The following USP34 variants were observed in gnomAD, a reference collection of about 807,000 sequenced individuals.
USP34 encodes the protein ubiquitin specific peptidase 34.
In USP34, 70 loss-of-function variants were observed where a neutral mutation model predicts 460.3. That is an observed-to-expected ratio of 0.15 (90% confidence interval 0.13 to 0.19). USP34 has a LOEUF of 0.19. Ranked by LOEUF, USP34 falls within the 10% of genes least tolerant of loss-of-function variation. The probability of loss-of-function intolerance (pLI) is 1.00; values close to 1 mark genes in which losing one functional copy is unlikely to be tolerated. For missense variants in USP34, 3,985 were observed against 4,236.2 expected, an observed-to-expected ratio of 0.94 and a Z score of 1.65; for synonymous variants, 1,647 against 1,405.3, an observed-to-expected ratio of 1.17 and a Z score of -3.85.
chr2:61,212,810 T>C (rs1687305748), intron 68 of USP34, among the ~76,000 whole-genome samples: 1 of 152,168 alleles, frequency 6.6e-6, no homozygotes, highest in Admixed American at 6.5e-5. Flanking sequence ...TTCTAACTCA[T>C]CTAGTACTTG....
intron 75 of USP34, 133 bp from the exon 76 acceptor site, chr2:61,193,113 G>C (rs1201669070): frequency 5.8e-6 from 4 of 687,552 alleles, no homozygotes; most frequent in Non-Finnish European, 7.2e-6. Context: ...AGTACATAAA[G>C]GGGAAAAATT....
chr2:61,263,132 C>T (rs1688944212), intron 43 of USP34, among the ~76,000 whole-genome samples: 1 of 151,174 alleles, frequency 6.6e-6, no homozygotes, highest in Admixed American at 6.6e-5. Flanking sequence ...GCCCAGCGTC[C>T]CGAGTAGCTG....
At chr2:61,251,054 C>T (rs960820803) in intron 48 of USP34, among the ~76,000 whole-genome samples, 14 of 152,100 alleles carry the variant, frequency 9.2e-5, no homozygotes, top group South Asian at 6.2e-4. Context: ...AGGAGAATGG[C>T]GTGGACCCGG....
intron 3 of USP34, 68 bp from the exon 4 acceptor site, chr2:61,395,301 T>A: frequency 1.0e-6 from 1 of 967,416 alleles, no homozygotes; most frequent in Non-Finnish European, 1.6e-6. Flanking sequence ...TACAATTCTA[T>A]AAAAGACTGA....
At chr2:61,441,818 A>AG (rs1694973987) in intron 1 of USP34, among the ~76,000 whole-genome samples, 10 of 151,286 alleles carry the variant, frequency 6.6e-5, no homozygotes, top group Non-Finnish European at 1.0e-4. Flanking sequence ...AAAAAAAAGA[A>AG]AAAAGAAAAG....
chr2:61,335,983 G>C (rs1445691532), intron 18 of USP34, among the ~76,000 whole-genome samples: 1 of 152,032 alleles, frequency 6.6e-6, no homozygotes, highest in Non-Finnish European at 1.5e-5. Flanking sequence ...AGTTACATAT[G>C]GATGATTTTG....
chr2:61,206,339 C>T (rs1406161746), intron 71 of USP34, among the ~76,000 whole-genome samples: 3 of 152,200 alleles, frequency 2.0e-5, no homozygotes, highest in Admixed American at 6.5e-5. Flanking sequence ...ATATGTCCCA[C>T]TTTCTAGGAA....
chr2:61,342,453 A>AC (rs1302047645), intron 16 of USP34, among the ~76,000 whole-genome samples: 1 of 151,032 alleles, frequency 6.6e-6, no homozygotes, highest in Non-Finnish European at 1.5e-5. Flanking sequence ...GGTGAGCACC[A>AC]CCATACGCAG....
chr2:61,326,571 A>C (rs898754284), intron 20 of USP34, among the ~76,000 whole-genome samples: 11 of 151,988 alleles, frequency 7.2e-5, no homozygotes, highest in African/African-American at 2.7e-4. Context: ...ACCCCAGTGA[A>C]CTGCATATTT....
chr2:61,423,480 G>A (rs947638807), intron 1 of USP34, among the ~76,000 whole-genome samples: 2 of 152,088 alleles, frequency 1.3e-5, no homozygotes, highest in African/African-American at 4.8e-5. Flanking sequence ...AAAGAAAAAT[G>A]AAACAAGGAG....
At chr2:61,406,454 G>T (rs915295314) in intron 2 of USP34, among the ~76,000 whole-genome samples, 3 of 152,172 alleles carry the variant, frequency 2.0e-5, no homozygotes, top group Middle Eastern at 3.4e-3. Flanking sequence ...TATATGTTTA[G>T]CAAGTTATTA....
At chr2:61,463,615 C>T (rs192750722) in intron 1 of USP34, among the ~76,000 whole-genome samples, 166 of 152,232 alleles carry the variant, frequency 1.1e-3, no homozygotes, top group Non-Finnish European at 1.3e-3. Context: ...AGGCGGATTA[C>T]CTGGGGTCAG....
At chr2:61,227,323 T>A in intron 61 of USP34, 105 bp from the exon 62 acceptor site, 1 of 1,313,856 alleles carries the variant, frequency 7.6e-7, no homozygotes, top group Non-Finnish European at 1.0e-6. Flanking sequence ...CAGGAGCTTG[T>A]AACATGAAAA....
intron 11 of USP34, 67 bp downstream of exon 11, chr2:61,350,501 T>A: frequency 4.5e-6 from 7 of 1,560,142 alleles, no homozygotes; most frequent in Non-Finnish European, 6.1e-6. Flanking sequence ...AGTTAAATTA[T>A]CTGAATCACA....
At chr2:61,196,662 G>T (rs1458325687) in intron 75 of USP34, among the ~76,000 whole-genome samples, 1 of 151,982 alleles carries the variant, frequency 6.6e-6, no homozygotes, top group East Asian at 1.9e-4. Flanking sequence ...CTCTCGAGTA[G>T]CTGGGACTAC....
At chr2:61,462,585 C>T (rs1194523097) in intron 1 of USP34, among the ~76,000 whole-genome samples, 1 of 149,286 alleles carries the variant, frequency 6.7e-6, no homozygotes, top group Admixed American at 6.7e-5. Flanking sequence ...GAGAACCGGA[C>T]AAAGTAGCTC....
At chr2:61,430,876 A>T (rs1394188899) in intron 1 of USP34, among the ~76,000 whole-genome samples, 1 of 152,118 alleles carries the variant, frequency 6.6e-6, no homozygotes, top group Non-Finnish European at 1.5e-5. Flanking sequence ...TGGTAGTGCA[A>T]GCCTGTAATC....
intron 72 of USP34, among the ~76,000 whole-genome samples, chr2:61,205,029 G>C (rs895550105): frequency 2.6e-5 from 4 of 151,686 alleles, no homozygotes; most frequent in African/African-American, 9.7e-5. Context: ...TATTTTTTTT[G>C]TTTGTTTTTG....
chr2:61,365,546 C>G (rs1009201182), intron 10 of USP34, among the ~76,000 whole-genome samples: 1 of 151,888 alleles, frequency 6.6e-6, no homozygotes, highest in Non-Finnish European at 1.5e-5. Context: ...ATAACATCCA[C>G]AAATTTCTCT....
Sources: allele counts gnomAD v4.1 joint callset (sites outside exome capture counted in the v4.1 genomes callset), GRCh38; gene constraint gnomAD v4.1.1; transcripts MANE v1.5; gene names NCBI Gene and HGNC (gene_info 2026-07-23, HGNC 2026-07-21).